The following ATE1 variants were observed in gnomAD, a reference collection of about 807,000 sequenced individuals.
ATE1 encodes arginyl-tRNA--protein transferase 1.
A neutral mutation model predicts 70.5 loss-of-function variants in ATE1; 36 were observed. That is an observed-to-expected ratio of 0.51 (90% CI 0.39 to 0.67). The LOEUF (loss-of-function observed/expected upper bound fraction) is 0.67. Ranked by LOEUF, ATE1 falls within the 30% of genes least tolerant of loss-of-function variation. ATE1 has a pLI of 0.00. For missense variants in ATE1, 593 were observed against 629.5 expected (o/e 0.94, Z 0.62); for synonymous variants, 232 against 219.3 (o/e 1.06, Z -0.51).
intron 11 of ATE1, among the ~76,000 whole-genome samples, chr10:121,747,159 A>T (rs1944404594): frequency 6.6e-6 from 1 of 152,242 alleles, no homozygotes; most frequent in Non-Finnish European, 1.5e-5. Flanking sequence ...GAGGGCCTTC[A>T]CATCCACAGA....
chr10:121,901,698 C>T (rs1346718817), intron 6 of ATE1, among the ~76,000 whole-genome samples: 1 of 152,048 alleles, frequency 6.6e-6, no homozygotes, highest in South Asian at 2.1e-4. Context: ...TCAAGAGATC[C>T]ACCTGCCTCG....
chr10:121,848,867 C>T (rs930536768), intron 8 of ATE1, among the ~76,000 whole-genome samples: 16 of 151,704 alleles, frequency 1.1e-4, no homozygotes, highest in East Asian at 1.9e-4. Context: ...ACCAGGATCA[C>T]GCCACTGCAC....
chr10:121,843,206 G>A lies in ATE1; in HGVS notation c.976-1943C>T, dbSNP rs147071455. Among the ~76,000 whole-genome samples the A allele has an allele frequency of 3.0e-3, 462 of 152,066 alleles. 3 individuals carry two copies. The highest frequency in any genetic ancestry group is 0.01 in the African/African-American group (428 of 41,484). ...ATGACTGGAATTTGGAATACCATTT[G>A]CAATACAACAAAAAATGAAATGTTT... is the stretch of plus-strand genomic sequence containing the variant. On this transcript the variant is annotated intron_variant, in intron 8 of 11. Coordinates refer to ENST00000224652, the MANE Select transcript of ATE1 (RefSeq NM_001001976.3).
chr10:121,869,869 C>A, intron 8 of ATE1, 137 bp downstream of exon 8: 1 of 709,230 alleles, frequency 1.4e-6, no homozygotes. Context: ...GTAACTCACT[C>A]CATTACTGTT....
intron 11 of ATE1, among the ~76,000 whole-genome samples, chr10:121,753,541 G>A (rs1229934348): frequency 1.3e-5 from 2 of 152,122 alleles, no homozygotes; most frequent in Non-Finnish European, 2.9e-5. Flanking sequence ...GAGAAAAGCA[G>A]AAAGAATGCA....
chr10:121,857,695 A>G (rs374809610), intron 8 of ATE1, among the ~76,000 whole-genome samples: 7 of 152,358 alleles, frequency 4.6e-5, no homozygotes, highest in African/African-American at 1.4e-4. Context: ...AAACAGAATC[A>G]ACCTACATAC....
At chr10:121,826,396 C>T (rs976039959) in intron 10 of ATE1, among the ~76,000 whole-genome samples, 1 of 152,004 alleles carries the variant, frequency 6.6e-6, no homozygotes, top group Non-Finnish European at 1.5e-5. Context: ...ACCTCCACCT[C>T]GTGGGTTCAA....
At chr10:121,794,497 T>C (rs114397432) in intron 10 of ATE1, among the ~76,000 whole-genome samples, 2,500 of 149,108 alleles carry the variant, frequency 0.017, 32 homozygotes, top group African/African-American at 0.039. Flanking sequence ...TCCCAGCTAT[T>C]TGGGAGGCTG....
Position 121,917,947 on chromosome 10 carries a change from A to G in ATE1, c.234-4054T>C, listed in dbSNP as rs547513173. 8.5e-5 allele frequency among the ~76,000 whole-genome samples: 13 copies of G among 152,346 alleles called. 1 individual carries two copies. The highest frequency in any genetic ancestry group is 3.1e-4 in the African/African-American group (13 of 41,554). On this transcript the variant is annotated intron_variant, in intron 3 of 11. Transcript: ENST00000224652. ...AACAAGAAGCTAAGCTGTTAGCTATAAGCCCCTTTCCTTTATCTAAGTTCT... is the reference window on the plus strand; with the variant it reads ...AACAAGAAGCTAAGCTGTTAGCTATGAGCCCCTTTCCTTTATCTAAGTTCT...
In ATE1 at chr10:121,778,823, G is replaced by T. The variant is rs549999264; in HGVS notation, c.1378+11346C>A. Among the ~76,000 whole-genome samples the T allele has an allele frequency of 1.0e-3, 159 of 151,866 alleles. 1 individual carries two copies. The highest frequency in any genetic ancestry group is 3.5e-3 in the African/African-American group (147 of 41,452). Reference sequence around the variant, plus strand: ...TCATCACGTTGGGCAGGCTGGTCTTGAACTCCTGACCTCAAGTGATCCGCC... The same window carrying T: ...TCATCACGTTGGGCAGGCTGGTCTTTAACTCCTGACCTCAAGTGATCCGCC... On this transcript the variant is annotated intron_variant, in intron 11 of 11. Coordinates refer to ENST00000224652, the MANE Select transcript of ATE1 (RefSeq NM_001001976.3).
chr10:121,821,578 G>A (rs1318804904), intron 10 of ATE1, among the ~76,000 whole-genome samples: 22 of 152,132 alleles, frequency 1.4e-4, no homozygotes, highest in Admixed American at 1.1e-3. Flanking sequence ...ACTACAAAAT[G>A]CAAATTAAAA....
At chr10:121,793,900 A>T (rs1265677753) in intron 10 of ATE1, among the ~76,000 whole-genome samples, 1 of 152,214 alleles carries the variant, frequency 6.6e-6, no homozygotes, top group African/African-American at 2.4e-5. Flanking sequence ...TTTCAAGGTT[A>T]TGAAAGCATA....
intron 8 of ATE1, among the ~76,000 whole-genome samples, chr10:121,855,101 T>A (rs1191383269): frequency 6.6e-6 from 1 of 152,158 alleles, no homozygotes; most frequent in Non-Finnish European, 1.5e-5. Flanking sequence ...TGAGGGGGCA[T>A]TCTTATAAAA....
intron 7 of ATE1, among the ~76,000 whole-genome samples, chr10:121,891,230 G>A (rs142705900): frequency 1.2e-3 from 183 of 152,226 alleles, no homozygotes; most frequent in African/African-American, 4.1e-3. Flanking sequence ...TGGGGCTCAG[G>A]GGATTGGGTT....
rs763068910 is a variant in ATE1 at position 121,741,999 on chromosome 10, G to C, written c.*1681C>G. 1 of 152,158 alleles carries C rather than the reference G, an allele frequency of 6.6e-6. No homozygotes were observed. Among genetic ancestry groups the C allele is most frequent in the African/African-American group, 2.4e-5 (1 of 41,440 alleles). 9.4% of individuals were successfully genotyped at this position (152,158 alleles called of 1,614,324 possible). A position where few individuals can be genotyped will look rare whatever the true frequency, so the allele number is the denominator to read the frequency against. On this transcript the variant is annotated 3_prime_UTR_variant, in exon 12 of 12. Transcript: ENST00000224652. ...CATTTTAGAGGAAAAAGAGAAAAAA[G>C]GCTCTATAGATTCTGAAGGCAGTTC...
intron 6 of ATE1, among the ~76,000 whole-genome samples, chr10:121,900,709 G>A (rs1001359551): frequency 1.3e-5 from 2 of 152,170 alleles, no homozygotes; most frequent in South Asian, 2.1e-4. Flanking sequence ...CATGTGTGCC[G>A]TGAGACGTAA....
At chr10:121,879,844 G>C (rs1010344809) in intron 7 of ATE1, among the ~76,000 whole-genome samples, 1 of 152,146 alleles carries the variant, frequency 6.6e-6, no homozygotes, top group Non-Finnish European at 1.5e-5. Flanking sequence ...CCAAGCACTA[G>C]CTTCCTGCAG....
intron 1 of ATE1, among the ~76,000 whole-genome samples, chr10:121,926,440 GC>G (rs1952092819): frequency 6.6e-6 from 1 of 152,022 alleles, no homozygotes; most frequent in South Asian, 2.1e-4. Context: ...GTAAGTAGAT[GC>G]CCCATAATAA....
intron 1 of ATE1, chr10:121,927,243 T>C (rs973191207): frequency 3.0e-6 from 3 of 985,118 alleles, no homozygotes; most frequent in African/African-American, 3.5e-5. Flanking sequence ...AGACACGGCA[T>C]ATAAGCAAAT....
Sources: gnomAD v4.1 joint callset for allele counts (sites outside exome capture counted in the v4.1 genomes callset) on GRCh38, gnomAD v4.1.1 for gene constraint, MANE v1.5 for transcripts, NCBI Gene and HGNC (gene_info 2026-07-23, HGNC 2026-07-21) for gene names.